Variants in FMNL2 observed in about 807,000 individuals in gnomAD.
FMNL2 encodes formin like 2.
FMNL2 carries 51 observed loss-of-function variants against 130.2 expected under a neutral mutation model. That is an observed-to-expected ratio of 0.39 (90% CI 0.31 to 0.49). The LOEUF is 0.49. Ranked by LOEUF, FMNL2 falls within the 20% of genes least tolerant of loss-of-function variation. FMNL2 has a pLI of 0.85. For missense variants in FMNL2, 977 were observed against 1,316.2 expected, an observed-to-expected ratio of 0.74 and a Z score of 3.99; for synonymous variants, 465 against 467.1, an observed-to-expected ratio of 1.00 and a Z score of 0.06.
chr2:152,629,919 A>T lies in FMNL2; in HGVS notation c.2550+14A>T. On this transcript the variant is annotated intron_variant, in intron 20 of 25. Transcript: ENST00000288670. ...AGTTTAGATCTGGTGAGTGGACTAA[A>T]AGAAATTTGAGAGCTGTTTGAAGGA... 6.3e-7 allele frequency: 1 copy of T among 1,593,540 alleles called. No individual in the cohort carries two copies.
At chr2:152,457,121 T>C (rs1158221398) in intron 1 of FMNL2, among the ~76,000 whole-genome samples, 1 of 151,612 alleles carries the variant, frequency 6.6e-6, no homozygotes, top group Non-Finnish European at 1.5e-5. Context: ...ATTAGAGTTG[T>C]GGACAAGAAG....
At position 152,549,011 on chromosome 2, in the gene FMNL2, T is replaced by C; in HGVS notation, c.283-10T>C. 6.3e-7 allele frequency: 1 copy of C among 1,597,636 alleles called. No individual in the cohort carries two copies. Among genetic ancestry groups the C allele is most frequent in the Non-Finnish European group, 8.5e-7 (1 of 1,173,774 alleles). On this transcript the variant is annotated splice_polypyrimidine_tract_variant and intron_variant, in intron 3 of 25. Coordinates refer to ENST00000288670, the MANE Select transcript of FMNL2 (RefSeq NM_052905.4). ...AATATTTTGTGAGAATATGTGTTCT[T>C]GAATTATAGAAATTCAGACGGCGTG...
At chr2:152,416,549 A>G (rs1686627593) in intron 1 of FMNL2, among the ~76,000 whole-genome samples, 1 of 152,196 alleles carries the variant, frequency 6.6e-6, no homozygotes, top group Non-Finnish European at 1.5e-5. Flanking sequence ...TTTGAAGTAA[A>G]AGACCAAAGC....
intron 9 of FMNL2, among the ~76,000 whole-genome samples, chr2:152,582,418 T>C (rs899026088): frequency 6.6e-6 from 1 of 152,226 alleles, no homozygotes; most frequent in Non-Finnish European, 1.5e-5. Flanking sequence ...ATTGCCTCCT[T>C]ACTGCTAGTC....
chr2:152,363,337 GTGTTGTTAGTT>G (rs1361168311), intron 1 of FMNL2, among the ~76,000 whole-genome samples: 3 of 152,146 alleles, frequency 2.0e-5, no homozygotes, highest in Non-Finnish European at 4.4e-5. Flanking sequence ...AACTCCTTAT[GTGTTGTTAGTT>G]TGTTTCCTGA....
At chr2:152,638,115 C>G (rs1682774837) in intron 23 of FMNL2, among the ~76,000 whole-genome samples, 1 of 152,220 alleles carries the variant, frequency 6.6e-6, no homozygotes, top group South Asian at 2.1e-4. Flanking sequence ...ACCTCTTAGA[C>G]CAGCATTTCT....
At chr2:152,501,921 G>A (rs1407292494) in intron 1 of FMNL2, among the ~76,000 whole-genome samples, 1 of 152,176 alleles carries the variant, frequency 6.6e-6, no homozygotes, top group Non-Finnish European at 1.5e-5. Context: ...TATAGTTTCC[G>A]GAAGGAGAAA....
intron 20 of FMNL2, among the ~76,000 whole-genome samples, chr2:152,631,284 T>C (rs1682141946): frequency 1.3e-5 from 2 of 148,782 alleles, no homozygotes; most frequent in Non-Finnish European, 3.0e-5. Context: ...TCCCAGCTAC[T>C]CGGGAGGCTG....
At chr2:152,549,477 T>C (rs1451363169) in intron 4 of FMNL2, among the ~76,000 whole-genome samples, 1 of 152,208 alleles carries the variant, frequency 6.6e-6, no homozygotes, top group Non-Finnish European at 1.5e-5. Context: ...GAAGCTGCTT[T>C]ATTTCCCTTT....
Position 152,369,964 on chromosome 2 carries a change from G to T in FMNL2, c.117+34244G>T, listed in dbSNP as rs187354839. On this transcript the variant is annotated intron_variant, in intron 1 of 25. Coordinates refer to ENST00000288670, the MANE Select transcript of FMNL2 (RefSeq NM_052905.4). ...GGTATGTGTATTTGCTGTGTATTGT[G>T]TGGGGAATAGGGTATGAAGCCTATA... 2.6e-4 allele frequency among the ~76,000 whole-genome samples: 40 copies of T among 152,292 alleles called. No individual in the cohort carries two copies. The East Asian group carries it at 7.3e-3, about 28-fold the overall frequency.
At chr2:152,593,896 T>TGA (rs1697603173) in intron 9 of FMNL2, among the ~76,000 whole-genome samples, 3 of 103,778 alleles carry the variant, frequency 2.9e-5, no homozygotes, top group African/African-American at 1.2e-4. Context: ...TGTGTGTGTG[T>TGA]GTGTGTGAGA....
chr2:152,346,213 C>CG (rs1682114440), intron 1 of FMNL2, among the ~76,000 whole-genome samples: 1 of 151,896 alleles, frequency 6.6e-6, no homozygotes, highest in African/African-American at 2.4e-5. Flanking sequence ...GTAGTAGAGA[C>CG]GGGGTTTCAT....
chr2:152,445,704 A>G (rs929412951), intron 1 of FMNL2, among the ~76,000 whole-genome samples: 1 of 152,128 alleles, frequency 6.6e-6, no homozygotes, highest in African/African-American at 2.4e-5. Flanking sequence ...GGGGTTGAAA[A>G]TCTACATTTC....
chr2:152,430,817 G>A (rs1398193868), intron 1 of FMNL2, among the ~76,000 whole-genome samples: 2 of 152,118 alleles, frequency 1.3e-5, no homozygotes, highest in Admixed American at 1.3e-4. Context: ...AGGTTGCAGT[G>A]AGCCAAGATC....
chr2:152,467,057 G>A (rs1461463801), intron 1 of FMNL2, among the ~76,000 whole-genome samples: 1 of 152,166 alleles, frequency 6.6e-6, no homozygotes, highest in Non-Finnish European at 1.5e-5. Context: ...CCTACAATGA[G>A]GCAAGCCTTA....
At chr2:152,421,954 C>A (rs1161722566) in intron 1 of FMNL2, among the ~76,000 whole-genome samples, 1 of 152,174 alleles carries the variant, frequency 6.6e-6, no homozygotes, top group Non-Finnish European at 1.5e-5. Flanking sequence ...TATCTCCAAT[C>A]CTAAGTAATG....
intron 12 of FMNL2, among the ~76,000 whole-genome samples, chr2:152,616,715 A>G (rs377742018): frequency 1.3e-5 from 2 of 152,118 alleles, no homozygotes; most frequent in African/African-American, 2.4e-5. Flanking sequence ...TGTGTTACCA[A>G]TTTTCAAAAG....
chr2:152,593,838 G>GGAGA (rs147035875), intron 9 of FMNL2, among the ~76,000 whole-genome samples: 1,932 of 84,602 alleles, frequency 0.023, 24 homozygotes, highest in Middle Eastern at 0.034. Context: ...AGGTGACTAG[G>GGAGA]GAGAGAGAGA....
chr2:152,509,313 A>T (rs181008332), intron 1 of FMNL2, among the ~76,000 whole-genome samples: 81 of 152,280 alleles, frequency 5.3e-4, no homozygotes, highest in Admixed American at 9.8e-4. Context: ...ATAATCTATT[A>T]TTTAATGTTA....
Sources: allele counts gnomAD v4.1 joint callset (sites outside exome capture counted in the v4.1 genomes callset), GRCh38; gene constraint gnomAD v4.1.1; transcripts MANE v1.5; gene names NCBI Gene and HGNC (gene_info 2026-07-23, HGNC 2026-07-21).